CACFD1: variants seen among roughly 807,000 people sequenced by gnomAD.
The protein encoded by CACFD1 is calcium channel flower homolog.
Under a neutral mutation model 21.3 loss-of-function variants are expected in CACFD1, and 26 were observed. The ratio of observed to expected loss-of-function variants is 1.22; its 90% CI spans 0.89 to 1.69. CACFD1 has a LOEUF of 1.69. Among genes scored for constraint, CACFD1 ranks in the 40% most tolerant of loss-of-function variants. The pLI, the probability that CACFD1 is intolerant of heterozygous loss-of-function variation, is 0.00. For synonymous variants in CACFD1, 121 were observed against 106.6 expected, an observed-to-expected ratio of 1.13 and a Z score of -0.83; for missense variants, 265 against 236.2, an observed-to-expected ratio of 1.12 and a Z score of -0.80.
At chr9:133,462,080 A>C in intron 1 of CACFD1, 1 of 1,301,456 alleles carries the variant, frequency 7.7e-7, no homozygotes, top group Non-Finnish European at 1.0e-6. Context: ...TTTATTGCTA[A>C]AGGATTCCTG....
At chr9:133,460,980 G>C (rs1473099234) in intron 1 of CACFD1, among the ~76,000 whole-genome samples, 1 of 152,170 alleles carries the variant, frequency 6.6e-6, no homozygotes, top group Non-Finnish European at 1.5e-5. Flanking sequence ...GTCAGCTCCA[G>C]GAGTGAATGG....
chr9:133,462,547 T>C (rs142076124), intron 1 of CACFD1, among the ~76,000 whole-genome samples: 1 of 152,354 alleles, frequency 6.6e-6, no homozygotes, highest in Admixed American at 6.5e-5. Flanking sequence ...GCTGCAAGTT[T>C]AATGAGCTGG....
intron 2 of CACFD1, among the ~76,000 whole-genome samples, chr9:133,464,441 C>A (rs1022599488): frequency 6.6e-6 from 1 of 152,176 alleles, no homozygotes; most frequent in East Asian, 1.9e-4. Flanking sequence ...AGAGTGAGCC[C>A]GTGCTTGGAG....
intron 4 of CACFD1, 95 bp downstream of exon 4, chr9:133,468,123 C>G (rs1006749239): frequency 7.1e-6 from 8 of 1,130,270 alleles, no homozygotes; most frequent in Non-Finnish European, 1.0e-5. Context: ...CCCCTTTTAG[C>G]TAGTGGAGAC....
rs1554799409 is a variant in CACFD1 at position 133,465,658 on chromosome 9, C to T, written c.320+211C>T. The T allele has an allele frequency of 8.7e-6, 5 of 575,900 alleles. No homozygotes were observed. Among genetic ancestry groups the T allele is most frequent in the African/African-American group, 3.8e-5 (2 of 53,188 alleles). 35.7% of individuals were successfully genotyped at this position (575,900 alleles called of 1,614,324 possible). A position where few individuals can be genotyped will look rare whatever the true frequency, so the allele number is the denominator to read the frequency against. ...CCCAGGAACTCAGCTGTCGCTGTGC[C>T]GTAGTCACTGGAAGGTTCAGAGGTA... On this transcript the variant is annotated intron_variant, in intron 3 of 4. Coordinates refer to ENST00000316948, the MANE Select transcript of CACFD1 (RefSeq NM_017586.5). This position sits in a 1 kb window ranked among gnomAD's most constrained non-coding sequence, Gnocchi z 5.0.
Position 133,468,013 on chromosome 9 carries a change from C to T in CACFD1, c.413C>T (p.Ser138Phe), listed in dbSNP as rs1554799915. 1 of 1,613,666 alleles carries T rather than the reference C, an allele frequency of 6.2e-7. No individual in the cohort carries two copies. Among genetic ancestry groups the T allele is most frequent in the Admixed American group, 1.7e-5 (1 of 60,010 alleles). Residue 138 changes from serine to phenylalanine, a missense_variant, in exon 4 of 5, where the codon TCT becomes TTT. Physicochemically the swap from Ser to Phe is radical, Grantham distance 155. Transcript: ENST00000316948. Reference protein sequence around the residue: ...AFATGVLYGLSALGKKGDAIS... With the variant: ...AFATGVLYGLFALGKKGDAIS... ...GCTACGGGGGTGCTGTACGGACTCT[C>T]TGCTCTGGGCAAAAAGTGCGTCTGC...
In CACFD1 at chr9:133,460,017, G is replaced by A; in HGVS notation, c.-50G>A. ...GCAGCGCGCCGGCTCGGACGCGGCC[G>A]GCTACCGAGCCCTTTGTGAGGGCTG... On this transcript the variant is annotated 5_prime_UTR_variant, in exon 1 of 5. Transcript: ENST00000316948. 4 of 1,481,040 alleles carry A rather than the reference G, an allele frequency of 2.7e-6. No homozygotes were observed. The highest frequency in any genetic ancestry group is 1.5e-5 in the African/African-American group (1 of 68,390). 91.7% of individuals were successfully genotyped at this position (1,481,040 alleles called of 1,614,324 possible).
intron 2 of CACFD1, among the ~76,000 whole-genome samples, chr9:133,464,005 C>G (rs1443823391): frequency 1.3e-5 from 2 of 152,226 alleles, no homozygotes; most frequent in African/African-American, 4.8e-5. Flanking sequence ...GAGCTCGGAG[C>G]TGTGCCAAAG....
At chr9:133,461,777 G>A in intron 1 of CACFD1, 1 of 753,472 alleles carries the variant, frequency 1.3e-6, no homozygotes, top group South Asian at 6.0e-5. Context: ...AGATTTTTGG[G>A]GGCATGGTTA....
Position 133,462,367 on chromosome 9 carries a change from G to T in CACFD1, c.122-1116G>T, listed in dbSNP as rs587724553. 2.7e-5 allele frequency: 30 copies of T among 1,130,344 alleles called. No homozygotes were observed. The African/African-American group carries it at 4.2e-4, about 16-fold the overall frequency. The allele number at this position is 1,130,344 out of a possible 1,614,324, so 70.0% of individuals were successfully genotyped here. Reference sequence around the variant, plus strand: ...AGGCTGTGCTGAGGAGCAGTGCAACGCTTGAGTCCTTTGTTTTAGAAGGAG... The same window carrying T: ...AGGCTGTGCTGAGGAGCAGTGCAACTCTTGAGTCCTTTGTTTTAGAAGGAG... On this transcript the variant is annotated intron_variant, in intron 1 of 4. Transcript: ENST00000316948.
chr9:133,468,353 G>A, intron 4 of CACFD1: 1 of 1,535,804 alleles, frequency 6.5e-7, no homozygotes, highest in Non-Finnish European at 8.7e-7. Context: ...CCAGACTGAG[G>A]CTGGTTCCTT....
Position 133,467,919 on chromosome 9 carries a change from A to G in CACFD1, c.321-2A>G. 6.2e-7 allele frequency: 1 copy of G among 1,610,696 alleles called. No homozygotes were observed. The highest frequency in any genetic ancestry group is 8.5e-7 in the Non-Finnish European group (1 of 1,178,370). On this transcript the variant is annotated splice_acceptor_variant, in intron 3 of 4. Coordinates refer to ENST00000316948, the MANE Select transcript of CACFD1 (RefSeq NM_017586.5). LOFTEE classifies it high-confidence loss of function. The stretch of plus-strand genomic sequence containing the variant: ...CCCCCTTGACCTCTGCTTTCCCCCC[A>G]GGATGGCGGTCGTTCCCATCGTCAT...
intron 1 of CACFD1, among the ~76,000 whole-genome samples, chr9:133,460,916 G>T (rs1005345131): frequency 2.0e-5 from 3 of 152,258 alleles, no homozygotes; most frequent in African/African-American, 7.2e-5. Flanking sequence ...ACCTTAGGCT[G>T]CCAGGGAAGC....
At chr9:133,468,271 GGT>G in intron 4 of CACFD1, 2 of 1,469,972 alleles carry the variant, frequency 1.4e-6, no homozygotes, top group Non-Finnish European at 1.8e-6. Flanking sequence ...AAACATGGCT[GGT>G]GGGAGCCCCT....
chr9:133,465,464 C>A lies in CACFD1; in HGVS notation c.320+17C>A. 2 of 1,595,840 alleles carry A rather than the reference C, an allele frequency of 1.3e-6. No homozygotes were observed. Among genetic ancestry groups the A allele is most frequent in the Non-Finnish European group, 8.5e-7 (1 of 1,169,802 alleles). On this transcript the variant is annotated intron_variant, in intron 3 of 4. Coordinates refer to ENST00000316948, the MANE Select transcript of CACFD1 (RefSeq NM_017586.5). The surrounding 1 kb of genome is among the most constrained non-coding windows in gnomAD (Gnocchi z 5.0). The stretch of plus-strand genomic sequence containing the variant: ...CTACTGCGGGTGAGGGGTTGCTGGG[C>A]AGGGTCCCGTGACACAGTTCCCCAA...
At position 133,470,194 on chromosome 9, in the gene CACFD1, T is replaced by TGTGC. The variant is rs1217042576; in HGVS notation, c.*1544_*1545insCGTG. 72 of 4,104 alleles carry TGTGC rather than the reference T, an allele frequency of 0.018. No homozygotes were observed. Among genetic ancestry groups the TGTGC allele is most frequent in the Admixed American group, 0.14 (23 of 164 alleles). 0.3% of individuals were successfully genotyped at this position (4,104 alleles called of 1,614,324 possible). On this transcript the variant is annotated 3_prime_UTR_variant, in exon 5 of 5. Transcript: ENST00000316948. ...CCAGTGCTGGGTTCAAAGGGCTGTG[T>TGTGC]GTGTGTGTGTGTGTGTGTGTGTGTG... is the stretch of plus-strand genomic sequence containing the variant.
rs781923573 is a variant in CACFD1 at position 133,465,944 on chromosome 9, A to G, written c.320+497A>G. 1.3e-5 allele frequency: 2 copies of G among 156,236 alleles called. No homozygotes were observed. The highest frequency in any genetic ancestry group is 6.1e-5 in the Admixed American group (1 of 16,496). 9.7% of individuals were successfully genotyped at this position (156,236 alleles called of 1,614,324 possible). ...TCTAACAATGAAATCAATATGTAAT[A>G]CTTCTCCTCTCAGTCATAAGAAGGA... On this transcript the variant is annotated intron_variant, in intron 3 of 4. Transcript: ENST00000316948. The surrounding 1 kb of genome is among the most constrained non-coding windows in gnomAD (Gnocchi z 5.0).
intron 1 of CACFD1, among the ~76,000 whole-genome samples, chr9:133,460,412 G>A (rs1321524581): frequency 1.7e-5 from 2 of 119,992 alleles, no homozygotes; most frequent in Admixed American, 1.7e-4. Context: ...CCCGGGCTGG[G>A]CTGGGCTGGC....
At chr9:133,467,514 T>C (rs992753462) in intron 3 of CACFD1, among the ~76,000 whole-genome samples, 1 of 152,216 alleles carries the variant, frequency 6.6e-6, no homozygotes, top group Non-Finnish European at 1.5e-5. Flanking sequence ...ATGACTGACC[T>C]CGGACAAGCT....
Sources: gnomAD v4.1 joint callset for allele counts (sites outside exome capture counted in the v4.1 genomes callset) on GRCh38, gnomAD v4.1.1 for gene constraint, Gnocchi (gnomAD v3.1) non-coding constraint, MANE v1.5 for transcripts, NCBI Gene and HGNC (gene_info 2026-07-23, HGNC 2026-07-21) for gene names.